GRB14: variants seen among roughly 807,000 people sequenced by gnomAD.
The protein encoded by GRB14 is growth factor receptor-bound protein 14.
Under a neutral mutation model 69.1 loss-of-function variants are expected in GRB14, and 38 were observed. That is an observed-to-expected ratio of 0.55 (90% CI 0.42 to 0.72). The LOEUF (loss-of-function observed/expected upper bound fraction) is 0.72, where lower values mean the gene tolerates loss of function less well. Among genes scored for constraint, GRB14 ranks in the 30% least tolerant of loss-of-function variants. The pLI, the probability that GRB14 is intolerant of heterozygous loss-of-function variation, is 0.00. For synonymous variants in GRB14, 247 were observed against 241.3 expected (o/e 1.02, Z -0.22); for missense variants, 666 against 666.1 (o/e 1.00, Z 0.00).
intron 2 of GRB14, among the ~76,000 whole-genome samples, chr2:164,612,217 C>T (rs768235512): frequency 1.3e-5 from 2 of 152,114 alleles, no homozygotes; most frequent in Non-Finnish European, 2.9e-5. Context: ...AAGGCTTTGG[C>T]CTGACCACCT....
chr2:164,621,156 G>A lies in GRB14; in HGVS notation c.154C>T (p.Pro52Ser). 1.6e-6 allele frequency: 2 copies of A among 1,245,336 alleles called. No individual in the cohort carries two copies. Among genetic ancestry groups the A allele is most frequent in the East Asian group, 3.2e-5 (1 of 31,704 alleles). The allele number at this position is 1,245,336 out of a possible 1,614,324, so 77.1% of individuals were successfully genotyped here. Residue 52 changes from proline to serine, a missense_variant, in exon 1 of 14, where the codon CCC becomes TCC. Transcript: ENST00000263915. This position sits in a 1 kb window ranked among gnomAD's most constrained non-coding sequence, Gnocchi z 6.0. ...CAGCCGCGGGTCCCGTCCGGAAGGG[G>A]CAGGAGCGCTCGCGCGTGCAGCCAG... is the stretch of plus-strand genomic sequence containing the variant. ...APWLHARALL[P>S]LPDGTRGCAA...
At chr2:164,527,174 CAAATATATATATATATAT>C (rs1400259901) in intron 3 of GRB14, 39 bp from the exon 4 acceptor site, 4 of 330,884 alleles carry the variant, frequency 1.2e-5, no homozygotes, top group Non-Finnish European at 2.0e-5. Flanking sequence ...GACAGATAGA[CAAATATATATATATATAT>C]ATATATATAT....
rs143543028 is a variant in GRB14, at chr2:164,582,421, A to AT, written c.325-34606dup. Among the ~76,000 whole-genome samples the AT allele has an allele frequency of 2.6e-3, 232 of 89,248 alleles. 1 individual carries two copies. Among genetic ancestry groups the AT allele is most frequent in the African/African-American group, 7.4e-3 (138 of 18,700 alleles). 58.6% of individuals were successfully genotyped at this position (89,248 alleles called of 152,430 possible). On this transcript the variant is annotated intron_variant, in intron 2 of 13. Transcript: ENST00000263915. ...TCAGCTCTTATTTATTTATTTATTT[A>AT]TTATTTTTTTTTTTTTTTGAGAAGG...
chr2:164,547,781 C>A lies in GRB14; in HGVS notation c.360G>T (p.Arg120Ser). Residue 120 changes from arginine to serine, a missense_variant, in exon 3 of 14, where the codon AGG becomes AGT. Transcript: ENST00000263915. ...TTATGTCACTGGGTACATCTAAAGC[C>A]CTGCTGGTTTCATCTTCACTGTATA... Reference protein sequence around the residue: ...IKVYSEDETSRALDVPSDITA... With the variant: ...IKVYSEDETSSALDVPSDITA... 2.5e-6 allele frequency: 4 copies of A among 1,613,484 alleles called. No homozygotes were observed. The highest frequency in any genetic ancestry group is 2.5e-6 in the Non-Finnish European group (3 of 1,179,626).
At chr2:164,522,258 GTGTT>G (rs1240058865) in intron 5 of GRB14, 141 bp from the exon 6 acceptor site, 1 of 603,162 alleles carries the variant, frequency 1.7e-6, no homozygotes, top group African/African-American at 1.9e-5. Context: ...AATTAACTAT[GTGTT>G]TGTGTATACT....
At chr2:164,582,171 A>G (rs1689423136) in intron 2 of GRB14, among the ~76,000 whole-genome samples, 1 of 152,224 alleles carries the variant, frequency 6.6e-6, no homozygotes, top group Non-Finnish European at 1.5e-5. Context: ...CAAAAAGTCT[A>G]AGCCAAACTG....
intron 2 of GRB14, among the ~76,000 whole-genome samples, chr2:164,577,986 G>C (rs1013420932): frequency 3.9e-5 from 6 of 152,182 alleles, no homozygotes; most frequent in African/African-American, 1.2e-4. Flanking sequence ...TATAATCACA[G>C]CACTTTTGGA....
chr2:164,620,430 A>C (rs1690428000), intron 1 of GRB14, among the ~76,000 whole-genome samples: 1 of 152,194 alleles, frequency 6.6e-6, no homozygotes, highest in South Asian at 2.1e-4. Flanking sequence ...TGAGGCGGTA[A>C]GTTAATAGAA....
intron 2 of GRB14, among the ~76,000 whole-genome samples, chr2:164,591,942 G>T (rs1269194513): frequency 6.6e-6 from 1 of 152,118 alleles, no homozygotes; most frequent in African/African-American, 2.4e-5. Context: ...TAGTGAATAA[G>T]TCTCATGAGA....
intron 2 of GRB14, among the ~76,000 whole-genome samples, chr2:164,549,314 T>C (rs1688466426): frequency 1.3e-5 from 2 of 152,226 alleles, no homozygotes; most frequent in African/African-American, 4.8e-5. Flanking sequence ...GTAGCCTTTT[T>C]ATTAAAATAT....
intron 8 of GRB14, 73 bp from the exon 9 acceptor site, chr2:164,502,408 C>A: frequency 1.1e-6 from 1 of 872,926 alleles, no homozygotes; most frequent in Non-Finnish European, 1.9e-6. Flanking sequence ...TCAACACTTT[C>A]ATCAATTATA....
chr2:164,539,242 A>C (rs989477848), intron 3 of GRB14, among the ~76,000 whole-genome samples: 44 of 152,282 alleles, frequency 2.9e-4, no homozygotes, highest in African/African-American at 8.9e-4. Context: ...TGGGAGGCCA[A>C]GGCAGATGGA....
At chr2:164,529,356 A>G (rs1022731968) in intron 3 of GRB14, among the ~76,000 whole-genome samples, 5 of 152,196 alleles carry the variant, frequency 3.3e-5, no homozygotes, top group Admixed American at 6.5e-5. Flanking sequence ...TGGTTGCACA[A>G]CAATGTGAAT....
At chr2:164,498,412 T>A (rs953612192) in intron 9 of GRB14, among the ~76,000 whole-genome samples, 1 of 152,174 alleles carries the variant, frequency 6.6e-6, no homozygotes, top group African/African-American at 2.4e-5. Flanking sequence ...TACAACCATC[T>A]TTTAACAAAT....
intron 6 of GRB14, among the ~76,000 whole-genome samples, chr2:164,515,481 C>T (rs1015350021): frequency 6.6e-5 from 10 of 152,236 alleles, no homozygotes; most frequent in African/African-American, 1.9e-4. Flanking sequence ...TGCAGTTTGG[C>T]TCTCAGGAAG....
intron 6 of GRB14, among the ~76,000 whole-genome samples, chr2:164,521,611 A>C (rs1687635597): frequency 6.6e-6 from 1 of 152,152 alleles, no homozygotes; most frequent in South Asian, 2.1e-4. Context: ...GTTGATCAAC[A>C]GAGATTCAGA....
At chr2:164,539,498 T>G (rs1688178587) in intron 3 of GRB14, among the ~76,000 whole-genome samples, 2 of 152,054 alleles carry the variant, frequency 1.3e-5, no homozygotes, top group Admixed American at 6.5e-5. Flanking sequence ...CTAATAAGAT[T>G]GAAGTTTCCT....
chr2:164,610,488 C>G (rs972174544), intron 2 of GRB14, among the ~76,000 whole-genome samples: 1 of 151,704 alleles, frequency 6.6e-6, no homozygotes, highest in East Asian at 1.9e-4. Flanking sequence ...TCCACTTAGT[C>G]CAGGATCTAG....
intron 2 of GRB14, among the ~76,000 whole-genome samples, chr2:164,616,114 AG>A (rs1338676184): frequency 2.6e-5 from 4 of 152,166 alleles, no homozygotes; most frequent in African/African-American, 9.7e-5. Flanking sequence ...TTATAAAAAG[AG>A]GGAAAGGGAA....
Sources: gnomAD v4.1 joint callset for allele counts (sites outside exome capture counted in the v4.1 genomes callset) on GRCh38, gnomAD v4.1.1 for gene constraint, Gnocchi (gnomAD v3.1) non-coding constraint, MANE v1.5 for transcripts, NCBI Gene and HGNC (gene_info 2026-07-23, HGNC 2026-07-21) for gene names.